RIMS2: variants seen among roughly 807,000 people sequenced by gnomAD.
RIMS2 encodes regulating synaptic membrane exocytosis 2.
Under a neutral mutation model 174.4 loss-of-function variants are expected in RIMS2, and 59 were observed. The observed-to-expected ratio is 0.34, with a 90% confidence interval of 0.27 to 0.42. RIMS2 has a LOEUF of 0.42. RIMS2 is among the 10% of genes least tolerant of loss of function. The pLI, the probability that RIMS2 is intolerant of heterozygous loss-of-function variation, is 1.00. For missense variants in RIMS2, 1,620 were observed against 1,666.3 expected, an observed-to-expected ratio of 0.97 and a Z score of 0.48; for synonymous variants, 606 against 572.5, an observed-to-expected ratio of 1.06 and a Z score of -0.84.
intron 19 of RIMS2, among the ~76,000 whole-genome samples, chr8:104,062,045 T>C (rs2097005313): frequency 6.6e-6 from 1 of 152,148 alleles, no homozygotes; most frequent in Non-Finnish European, 1.5e-5. Flanking sequence ...TCATATACAA[T>C]GCCAATAAGT....
At chr8:103,713,531 C>G (rs889434233) in intron 2 of RIMS2, among the ~76,000 whole-genome samples, 4 of 152,074 alleles carry the variant, frequency 2.6e-5, no homozygotes, top group African/African-American at 9.7e-5. Flanking sequence ...TTTCCTTTCC[C>G]CAAATTTTTT....
chr8:104,174,965 T>C lies in RIMS2; in HGVS notation c.3335-69951T>C, dbSNP rs1207142819. Among the ~76,000 whole-genome samples the C allele has an allele frequency of 2.0e-5, 3 of 152,204 alleles. No homozygotes were observed. In the East Asian group the frequency reaches 5.8e-4, roughly 29 times the overall value. ...AAAATGCTTAAGTACTCTCTACAAG[T>C]ATTTGAAAAGTCTTAAGCCAAAATA... On this transcript the variant is annotated intron_variant, in intron 19 of 23. Coordinates refer to ENST00000504942, the Ensembl canonical transcript of RIMS2.
chr8:104,136,363 C>G (rs1192882428), intron 19 of RIMS2, among the ~76,000 whole-genome samples: 1 of 152,018 alleles, frequency 6.6e-6, no homozygotes, highest in Non-Finnish European at 1.5e-5. Flanking sequence ...TAGGGATAAT[C>G]TAAGGAATAA....
chr8:103,557,272 C>A (rs35957401), intron 1 of RIMS2, among the ~76,000 whole-genome samples: 27,670 of 152,022 alleles, frequency 0.18, 2,766 homozygotes, highest in African/African-American at 0.26. Context: ...GATAGAACTA[C>A]CTTATCTTAA....
intron 3 of RIMS2, among the ~76,000 whole-genome samples, chr8:103,846,052 C>A (rs1217646308): frequency 6.6e-6 from 1 of 152,070 alleles, no homozygotes; most frequent in Non-Finnish European, 1.5e-5. Flanking sequence ...ATTGACTGCC[C>A]AATTGACTGC....
chr8:103,994,884 C>T lies in RIMS2; in HGVS notation c.3044+5463C>T, dbSNP rs575653661. Among the ~76,000 whole-genome samples, 94 of 152,024 alleles carry T rather than the reference C, an allele frequency of 6.2e-4. 1 individual carries two copies. Among genetic ancestry groups the T allele is most frequent in the Non-Finnish European group, 1.2e-3 (83 of 67,942 alleles). On this transcript the variant is annotated intron_variant, in intron 17 of 23. Transcript: ENST00000504942. ...TATAGGGACAAAGTTAATTATAAGA[C>T]TCTTCAAGGAAACTATTAGAAATTG...
chr8:103,950,342 G>C (rs1456179188), intron 14 of RIMS2, among the ~76,000 whole-genome samples: 2 of 151,924 alleles, frequency 1.3e-5, no homozygotes, highest in Admixed American at 6.6e-5. Flanking sequence ...TAAACCTCAT[G>C]AAAATTTTAG....
At chr8:103,912,962 TTTTTGTTG>T (rs1281596870) in intron 6 of RIMS2, among the ~76,000 whole-genome samples, 1 of 147,310 alleles carries the variant, frequency 6.8e-6, no homozygotes, top group Non-Finnish European at 1.5e-5. Context: ...TAGCAAACTT[TTTTTGTTG>T]TTTTTTTTTT....
intron 1 of RIMS2, among the ~76,000 whole-genome samples, chr8:103,513,809 A>C (rs1277155377): frequency 2.0e-5 from 3 of 152,198 alleles, no homozygotes; most frequent in Admixed American, 2.0e-4. Flanking sequence ...CAGCTATTTA[A>C]AATAATATTT....
intron 10 of RIMS2, among the ~76,000 whole-genome samples, chr8:103,923,157 A>G (rs2078044707): frequency 6.6e-6 from 1 of 151,902 alleles, no homozygotes; most frequent in African/African-American, 2.4e-5. Flanking sequence ...CTTCTACTAT[A>G]CTATAAAATG....
chr8:103,664,431 G>GA (rs1408135494), intron 1 of RIMS2, among the ~76,000 whole-genome samples: 4 of 151,298 alleles, frequency 2.6e-5, no homozygotes, highest in African/African-American at 9.7e-5. Flanking sequence ...AGATTTACAA[G>GA]AAAAAAAACA....
intron 1 of RIMS2, among the ~76,000 whole-genome samples, chr8:103,560,460 CAT>C (rs932435939): frequency 1.2e-4 from 19 of 152,180 alleles, no homozygotes; most frequent in Non-Finnish European, 2.2e-4. Context: ...AACTGATAAA[CAT>C]GTGCCCTTTA....
chr8:104,135,648 G>A (rs1331779970), intron 19 of RIMS2, among the ~76,000 whole-genome samples: 1 of 146,074 alleles, frequency 6.8e-6, no homozygotes, highest in Non-Finnish European at 1.5e-5. Context: ...ATGCTGAAAT[G>A]TTGAGATGTA....
intron 3 of RIMS2, among the ~76,000 whole-genome samples, chr8:103,779,691 G>A (rs1456693309): frequency 7.0e-6 from 1 of 143,234 alleles, no homozygotes; most frequent in East Asian, 2.1e-4. Flanking sequence ...CTCATAGGTG[G>A]GAATTGAACA....
intron 19 of RIMS2, among the ~76,000 whole-genome samples, chr8:104,033,763 T>C (rs2096452319): frequency 6.6e-6 from 1 of 152,042 alleles, no homozygotes; most frequent in Non-Finnish European, 1.5e-5. Flanking sequence ...TAAATATTCT[T>C]ATCTGTTTGT....
rs1010392138 is a variant in RIMS2 at position 103,572,956 on chromosome 8, G to T, written c.176+71894G>T. Among the ~76,000 whole-genome samples the T allele has an allele frequency of 3.9e-5, 6 of 152,030 alleles. No individual in the cohort carries two copies. In the South Asian group the frequency reaches 1.2e-3, roughly 32 times the overall value. Reference sequence around the variant, plus strand: ...CTATGTTTCATTTGCTTTAGAGGTCGTAGTCATAAATTCTTCCCCTAGGCT... The same window carrying T: ...CTATGTTTCATTTGCTTTAGAGGTCTTAGTCATAAATTCTTCCCCTAGGCT... On this transcript the variant is annotated intron_variant, in intron 1 of 23. Transcript: ENST00000504942.
intron 3 of RIMS2, among the ~76,000 whole-genome samples, 193 bp from the exon 7 acceptor site, chr8:103,885,105 A>C (rs1265833864): frequency 6.6e-6 from 1 of 152,030 alleles, no homozygotes; most frequent in East Asian, 1.9e-4. Flanking sequence ...GCACTTAATA[A>C]CCACAACAAA....
chr8:103,918,479 T>G (rs1353570513), exon 9 of RIMS2: 1 of 1,604,780 alleles, frequency 6.2e-7, no homozygotes, highest in Non-Finnish European at 8.5e-7. Flanking sequence ...CATGCACAAC[T>G]GGAGTCCAGT....
chr8:104,186,495 GT>G (rs1412821594), intron 19 of RIMS2, among the ~76,000 whole-genome samples: 2 of 151,622 alleles, frequency 1.3e-5, no homozygotes, highest in Non-Finnish European at 2.9e-5. Context: ...ACTCCGAGGG[GT>G]TTGACTTCTA....
Sources: gnomAD v4.1 joint callset for allele counts (sites outside exome capture counted in the v4.1 genomes callset) on GRCh38, gnomAD v4.1.1 for gene constraint, MANE v1.5 for transcripts, NCBI Gene and HGNC (gene_info 2026-07-23, HGNC 2026-07-21) for gene names.